The following CFAP54 variants were observed in gnomAD, a reference collection of about 807,000 sequenced individuals.
CFAP54 encodes cilia- and flagella-associated protein 54.
A neutral mutation model predicts 370.4 loss-of-function variants in CFAP54; 290 were observed. The observed-to-expected ratio is 0.78, with a 90% CI of 0.71 to 0.86. The LOEUF (loss-of-function observed/expected upper bound fraction) is 0.86. CFAP54 is among the 40% of genes least tolerant of loss of function. CFAP54 has a pLI of 0.00. For missense variants in CFAP54, 3,399 were observed against 3,528.7 expected (o/e 0.96, Z 0.93); for synonymous variants, 1,206 against 1,236.5 (o/e 0.98, Z 0.52).
intron 50 of CFAP54, among the ~76,000 whole-genome samples, chr12:96,731,878 T>C (rs1342805856): frequency 6.6e-6 from 1 of 151,152 alleles, no homozygotes; most frequent in Non-Finnish European, 1.5e-5. Context: ...CAACAAACTT[T>C]AAAAAAAAAG....
chr12:96,632,929 C>T lies in CFAP54; in HGVS notation c.4316+2278C>T, dbSNP rs560439384. On this transcript the variant is annotated intron_variant, in intron 32 of 67. Transcript: ENST00000524981. ...TTTCAATAAATTTCTATGATTTTCT[C>T]CATAACCGCGTTATATATCTTTTGT... Among the ~76,000 whole-genome samples, 7 of 152,020 alleles carry T rather than the reference C, an allele frequency of 4.6e-5. No homozygotes were observed. The South Asian group carries it at 1.2e-3, about 27-fold the overall frequency.
At chr12:96,664,705 A>G (rs372808797) in intron 39 of CFAP54, among the ~76,000 whole-genome samples, 1 of 21,832 alleles carries the variant, frequency 4.6e-5, no homozygotes, top group African/African-American at 3.7e-4. Context: ...ATCTATATAT[A>G]TATATATATC....
At chr12:96,753,598 A>G (rs1277488717) in intron 55 of CFAP54, 145 bp from the exon 56 acceptor site, 1 of 733,314 alleles carries the variant, frequency 1.4e-6, no homozygotes, top group Admixed American at 3.0e-5. Context: ...ATGTCTTTAA[A>G]ACATTTCTTG....
At position 96,664,715 on chromosome 12, in the gene CFAP54, C is replaced by G. The variant is rs3925952; in HGVS notation, c.5563+783C>G. On this transcript the variant is annotated intron_variant, in intron 39 of 67. Transcript: ENST00000524981. Reference sequence around the variant, plus strand: ...TATATATCTATATATATATATATATCTATATATATCTATATATATATATCT... The same window carrying G: ...TATATATCTATATATATATATATATGTATATATATCTATATATATATATCT... Among the ~76,000 whole-genome samples the G allele has an allele frequency of 3.0e-5, 2 of 66,746 alleles. 1 individual carries two copies. Among genetic ancestry groups the G allele is most frequent in the Non-Finnish European group, 5.9e-5 (2 of 33,720 alleles). 43.8% of individuals were successfully genotyped at this position (66,746 alleles called of 152,430 possible). A position where few individuals can be genotyped will look rare whatever the true frequency, so the allele number is the denominator to read the frequency against.
intron 26 of CFAP54, among the ~76,000 whole-genome samples, chr12:96,613,744 T>C (rs906206958): frequency 6.6e-6 from 1 of 152,082 alleles, no homozygotes; most frequent in African/African-American, 2.4e-5. Flanking sequence ...TAAACACCTA[T>C]ATGCAAATAA....
chr12:96,527,085 T>C (rs1955390924), intron 8 of CFAP54, among the ~76,000 whole-genome samples, 161 bp from the exon 9 acceptor site: 1 of 151,914 alleles, frequency 6.6e-6, no homozygotes, highest in African/African-American at 2.4e-5. Context: ...TTTGTTGAAA[T>C]GGGGGTCTCA....
At chr12:96,720,964 G>T (rs569950058) in intron 50 of CFAP54, among the ~76,000 whole-genome samples, 1 of 151,778 alleles carries the variant, frequency 6.6e-6, no homozygotes, top group South Asian at 2.1e-4. Flanking sequence ...AGGTTGCAGT[G>T]AGCTGAGATT....
intron 67 of CFAP54, among the ~76,000 whole-genome samples, chr12:96,862,947 G>A (rs1035382120): frequency 6.6e-6 from 1 of 152,122 alleles, no homozygotes; most frequent in Non-Finnish European, 1.5e-5. Context: ...ATACAGGTGT[G>A]GAAACAGCAT....
At chr12:96,502,234 G>T (rs1174181185) in intron 2 of CFAP54, among the ~76,000 whole-genome samples, 6 of 151,838 alleles carry the variant, frequency 4.0e-5, no homozygotes, top group Non-Finnish European at 7.4e-5. Context: ...AAGGAACAAA[G>T]AAAAAGTTTT....
At chr12:96,589,844 T>C (rs537311635) in intron 23 of CFAP54, among the ~76,000 whole-genome samples, 15 of 152,274 alleles carry the variant, frequency 9.9e-5, no homozygotes, top group African/African-American at 3.6e-4. Flanking sequence ...CCTCCTGGGC[T>C]GAGGTGATTC....
intron 66 of CFAP54, among the ~76,000 whole-genome samples, chr12:96,841,927 T>C (rs1278401136): frequency 6.6e-6 from 1 of 152,224 alleles, no homozygotes; most frequent in Non-Finnish European, 1.5e-5. Flanking sequence ...TCCGATAGGA[T>C]TACATTAGAA....
chr12:96,740,874 A>G (rs887711764), intron 51 of CFAP54, among the ~76,000 whole-genome samples: 1 of 152,176 alleles, frequency 6.6e-6, no homozygotes, highest in Non-Finnish European at 1.5e-5. Context: ...ACTGGCATCT[A>G]CTAGGTAGAG....
chr12:96,714,500 G>T (rs1431164117), intron 48 of CFAP54, among the ~76,000 whole-genome samples: 1 of 152,138 alleles, frequency 6.6e-6, no homozygotes, highest in African/African-American at 2.4e-5. Context: ...AAATGCTTGG[G>T]TTCATCAGCA....
chr12:96,550,173 G>C (rs1223892135), intron 15 of CFAP54, among the ~76,000 whole-genome samples: 1 of 151,830 alleles, frequency 6.6e-6, no homozygotes, highest in Non-Finnish European at 1.5e-5. Context: ...GTTAAATGTC[G>C]ACTGTGATGA....
chr12:96,631,382 G>A (rs1283210753), intron 32 of CFAP54, among the ~76,000 whole-genome samples: 12 of 151,816 alleles, frequency 7.9e-5, no homozygotes, highest in Non-Finnish European at 7.4e-5. Context: ...CCAAAATTTC[G>A]TGTTTATTAT....
At chr12:96,594,050 TG>T (rs1363724631) in intron 24 of CFAP54, among the ~76,000 whole-genome samples, 1 of 152,144 alleles carries the variant, frequency 6.6e-6, no homozygotes, top group Non-Finnish European at 1.5e-5. Context: ...ATAAAAAAAC[TG>T]GTTTCTGTTA....
Position 96,608,459 on chromosome 12 carries a change from C to CTTTT in CFAP54, c.3639+9709_3639+9712dup, listed in dbSNP as rs5800258. On this transcript the variant is annotated intron_variant, in intron 26 of 67. Coordinates refer to ENST00000524981, the MANE Select transcript of CFAP54 (RefSeq NM_001306084.2). ...AGCAGAACTTTACAGCATAGTAGGA[C>CTTTT]TTTTTTTTTTTTTTTTTTTTGAGGC... 2.7e-3 allele frequency among the ~76,000 whole-genome samples: 284 copies of CTTTT among 106,948 alleles called. 24 individuals carry two copies. The highest frequency in any genetic ancestry group is 7.3e-3 in the African/African-American group (200 of 27,572). 70.2% of individuals were successfully genotyped at this position (106,948 alleles called of 152,430 possible).
In CFAP54 at chr12:96,644,191, A is replaced by G; in HGVS notation, c.4330A>G (p.Ser1444Gly). Residue 1444 changes from serine to glycine, a missense_variant, in exon 33 of 68, where the codon AGT becomes GGT. Transcript: ENST00000524981. ...MVAHERNRRT[S>G]VRKAAQRYLM... ...CTCCCTTGGCAGAAATAGGAGAACC[A>G]GTGTTAGGAAAGCAGCACAACGATA... 6.5e-7 allele frequency: 1 copy of G among 1,532,410 alleles called. No homozygotes were observed. The highest frequency in any genetic ancestry group is 8.7e-7 in the Non-Finnish European group (1 of 1,144,354). 94.9% of individuals were successfully genotyped at this position (1,532,410 alleles called of 1,614,324 possible). A position where few individuals can be genotyped will look rare whatever the true frequency, so the allele number is the denominator to read the frequency against.
Position 96,538,511 on chromosome 12 carries a change from C to G in CFAP54, c.1919C>G (p.Thr640Ser). 6.5e-7 allele frequency: 1 copy of G among 1,535,914 alleles called. No homozygotes were observed. The highest frequency in any genetic ancestry group is 2.4e-5 in the East Asian group (1 of 40,872). ...GCAAAATTCACCCAGAAAATCAGTA[C>G]TAACAAAGTATTCCTTTCGCATTCC... The part of the protein sequence containing the change: ...DYAKFTQKIS[T>S]NKWIYLLWQI... The change falls in exon 13 of 68, where the codon ACT becomes AGT. Residue 640 changes from threonine (T) to serine (S), a missense_variant. Physicochemically the swap from Thr to Ser is moderately conservative, Grantham distance 58 (BLOSUM62 1). Coordinates refer to ENST00000524981, the MANE Select transcript of CFAP54 (RefSeq NM_001306084.2).
Sources: gnomAD v4.1 joint callset for allele counts (sites outside exome capture counted in the v4.1 genomes callset) on GRCh38, gnomAD v4.1.1 for gene constraint, MANE v1.5 for transcripts, NCBI Gene and HGNC (gene_info 2026-07-23, HGNC 2026-07-21) for gene names.